Variants in FRMD3 observed in about 807,000 individuals in gnomAD.
FRMD3 encodes FERM domain containing 3, also known as FERM domain-containing protein 3.
In FRMD3, 33 loss-of-function variants were observed where a neutral mutation model predicts 70.2. The observed-to-expected ratio is 0.47, with a 90% CI of 0.36 to 0.63. The LOEUF (loss-of-function observed/expected upper bound fraction) is 0.63, where lower values mean the gene tolerates loss of function less well. Among genes scored for constraint, FRMD3 ranks in the 20% least tolerant of loss-of-function variants. FRMD3 has a pLI of 0.00. For missense variants in FRMD3, 632 were observed against 711.4 expected, an observed-to-expected ratio of 0.89 and a Z score of 1.27; for synonymous variants, 279 against 255.9, an observed-to-expected ratio of 1.09 and a Z score of -0.86.
chr9:83,356,271 ATTTTTTTTT>A (rs869149609), intron 3 of FRMD3, among the ~76,000 whole-genome samples: 2 of 94,462 alleles, frequency 2.1e-5, no homozygotes, highest in African/African-American at 9.3e-5. Flanking sequence ...ACTCAGCAGC[ATTTTTTTTT>A]TTTTTTTTTT....
At chr9:83,312,814 G>A (rs1423452022) in intron 7 of FRMD3, among the ~76,000 whole-genome samples, 1 of 151,046 alleles carries the variant, frequency 6.6e-6, no homozygotes, top group Non-Finnish European at 1.5e-5. Flanking sequence ...GGTGTGGGAT[G>A]TGTTCTGGTC....
rs1835312287 is a variant in FRMD3, at chr9:83,310,544, C to T, written c.778G>A (p.Asp260Asn). Residue 260 changes from aspartate to asparagine, a missense_variant, in exon 9 of 14, where the codon GAT becomes AAT. Asp to Asn is a conservative substitution (Grantham distance 23, BLOSUM62 1). Coordinates refer to ENST00000304195, the MANE Select transcript of FRMD3 (RefSeq NM_174938.6). ...NKRIHLIKWP[D>N]VCKLKFEGKT... Reference sequence around the variant, plus strand: ...CCTTCAAACTTCAATTTGCAGACATCTGGCCTAAGAAAAGAAAATCTCTGG... The same window carrying T: ...CCTTCAAACTTCAATTTGCAGACATTTGGCCTAAGAAAAGAAAATCTCTGG... 1.9e-6 allele frequency: 3 copies of T among 1,596,696 alleles called. No homozygotes were observed. Among genetic ancestry groups the T allele is most frequent in the African/African-American group, 2.7e-5 (2 of 73,770 alleles).
chr9:83,310,714 T>C (rs1835320148), intron 8 of FRMD3, among the ~76,000 whole-genome samples, 166 bp from the exon 9 acceptor site: 1 of 152,232 alleles, frequency 6.6e-6, no homozygotes, highest in African/African-American at 2.4e-5. Context: ...GAGTGAATTA[T>C]ACAGCAATTC....
At chr9:83,260,099 C>G (rs1480369040) in intron 13 of FRMD3, among the ~76,000 whole-genome samples, 1 of 152,180 alleles carries the variant, frequency 6.6e-6, no homozygotes, top group East Asian at 1.9e-4. Flanking sequence ...GTCCAGCATT[C>G]TGTGGCTCCA....
chr9:83,430,270 T>C (rs1826934170), intron 1 of FRMD3, among the ~76,000 whole-genome samples: 2 of 152,162 alleles, frequency 1.3e-5, no homozygotes, highest in African/African-American at 2.4e-5. Flanking sequence ...TGTCCCACGC[T>C]GGCCCCTCCT....
At chr9:83,580,305 C>A in the FRMD3 span, among the ~76,000 whole-genome samples, 1 of 152,044 alleles carries the variant, frequency 6.6e-6, no homozygotes, top group African/African-American at 2.4e-5. Flanking sequence ...GAATTGAAAT[C>A]ATTGTATCAA....
Position 83,247,185 on chromosome 9 carries a change from T to A in FRMD3, c.*733A>T. 1.0e-6 allele frequency: 1 copy of A among 985,376 alleles called. No homozygotes were observed. Among genetic ancestry groups the A allele is most frequent in the Non-Finnish European group, 1.2e-6 (1 of 829,876 alleles). The allele number at this position is 985,376 out of a possible 1,614,324, so 61.0% of individuals were successfully genotyped here. On this transcript the variant is annotated 3_prime_UTR_variant, in exon 14 of 14. Transcript: ENST00000304195. ...TCAGTTTCTACATCCTCCAGTTCCA[T>A]CCTCTGTTTTAGCAGCTTACTTACT...
the FRMD3 span, among the ~76,000 whole-genome samples, chr9:83,577,181 T>C: frequency 2.6e-5 from 4 of 151,988 alleles, no homozygotes; most frequent in African/African-American, 9.7e-5. Flanking sequence ...ACAATCCCTA[T>C]CAAAAGCCCA....
chr9:83,271,016 AT>A (rs1425458493), intron 13 of FRMD3, among the ~76,000 whole-genome samples: 1 of 152,180 alleles, frequency 6.6e-6, no homozygotes. Context: ...GGCCATGCCT[AT>A]TACCTTGGGA....
At chr9:83,418,339 A>C (rs556373911) in intron 1 of FRMD3, among the ~76,000 whole-genome samples, 2 of 152,324 alleles carry the variant, frequency 1.3e-5, no homozygotes, top group East Asian at 3.9e-4. Context: ...GAGTAAACAG[A>C]CAACCCACAG....
intron 13 of FRMD3, chr9:83,267,000 CA>C: frequency 6.5e-7 from 1 of 1,550,312 alleles, no homozygotes; most frequent in South Asian, 1.2e-5. Context: ...CAGCCCAGGG[CA>C]CCACACATAC....
chr9:83,500,605 G>T (rs1252328061), intron 1 of FRMD3, among the ~76,000 whole-genome samples: 2 of 151,590 alleles, frequency 1.3e-5, no homozygotes, highest in East Asian at 1.9e-4. Flanking sequence ...TAAGGGTAAG[G>T]CTCCTCTATC....
At chr9:83,315,460 C>T (rs374047465) in intron 6 of FRMD3, among the ~76,000 whole-genome samples, 6 of 152,026 alleles carry the variant, frequency 3.9e-5, no homozygotes, top group Admixed American at 1.3e-4. Context: ...AGGGGCCTGG[C>T]GGGAGGTGAT....
At position 83,244,726 on chromosome 9, in the gene FRMD3, G is replaced by T. The variant is rs986292127; in HGVS notation, c.*3192C>A. ...GCAAATTTCACTATACAAAGGTAAG[G>T]CTCCAATCACAGTAACATGGCCCCC... is the stretch of plus-strand genomic sequence containing the variant. On this transcript the variant is annotated 3_prime_UTR_variant, in exon 14 of 14. Coordinates refer to ENST00000304195, the MANE Select transcript of FRMD3 (RefSeq NM_174938.6). 7 of 984,576 alleles carry T rather than the reference G, an allele frequency of 7.1e-6. No individual in the cohort carries two copies. In the African/African-American group the frequency reaches 8.7e-5, roughly 12 times the overall value. The allele number at this position is 984,576 out of a possible 1,614,324, so 61.0% of individuals were successfully genotyped here.
chr9:83,522,514 AAAAT>A (rs1377663856), intron 1 of FRMD3, among the ~76,000 whole-genome samples: 1 of 151,700 alleles, frequency 6.6e-6, no homozygotes, highest in African/African-American at 2.4e-5. Context: ...TACTGCAATA[AAAAT>A]AAATAAGGAG....
intron 8 of FRMD3, among the ~76,000 whole-genome samples, chr9:83,311,439 C>A: frequency 6.6e-6 from 1 of 152,184 alleles, no homozygotes; most frequent in East Asian, 1.9e-4. Flanking sequence ...ATTCCTACTA[C>A]CTTTTGCCAA....
intron 13 of FRMD3, among the ~76,000 whole-genome samples, chr9:83,281,003 A>G (rs1374055873): frequency 6.6e-6 from 1 of 152,126 alleles, no homozygotes; most frequent in African/African-American, 2.4e-5. Context: ...CCTTGCCTGT[A>G]TTGCCTCAGA....
At chr9:83,526,134 T>C (rs985795359) in intron 1 of FRMD3, among the ~76,000 whole-genome samples, 1 of 152,242 alleles carries the variant, frequency 6.6e-6, no homozygotes, top group Non-Finnish European at 1.5e-5. Flanking sequence ...CCCAACCTGC[T>C]TCTCCTCTAG....
chr9:83,458,682 T>A (rs1294133878), intron 1 of FRMD3, among the ~76,000 whole-genome samples: 1 of 151,992 alleles, frequency 6.6e-6, no homozygotes, highest in African/African-American at 2.4e-5. Context: ...AGCAAGGAGA[T>A]TCAGAAAACA....
Sources: allele counts gnomAD v4.1 joint callset (sites outside exome capture counted in the v4.1 genomes callset), GRCh38; gene constraint gnomAD v4.1.1; transcripts MANE v1.5; gene names NCBI Gene and HGNC (gene_info 2026-07-23, HGNC 2026-07-21).